Variants in ARHGAP6 observed in about 807,000 individuals in gnomAD.
ARHGAP6 encodes Rho GTPase activating protein 6, also known as rho GTPase-activating protein 6.
A neutral mutation model predicts 55.7 loss-of-function variants in ARHGAP6; 16 were observed. The ratio of observed to expected loss-of-function variants is 0.29; its 90% CI spans 0.19 to 0.44. ARHGAP6 has a LOEUF of 0.44. Ranked by LOEUF, ARHGAP6 falls within the 20% of genes least tolerant of loss-of-function variation. The pLI, the probability that ARHGAP6 is intolerant of heterozygous loss-of-function variation, is 1.00. For missense variants in ARHGAP6, 698 were observed against 808.9 expected (o/e 0.86, Z 1.66); for synonymous variants, 382 against 360.9 (o/e 1.06, Z -0.66).
chrX:11,543,895 C>A (rs542867614), intron 1 of ARHGAP6, among the ~76,000 whole-genome samples: 2 of 112,736 alleles, frequency 1.8e-5, no homozygotes, highest in South Asian at 7.3e-4. Context: ...TTAAAATATT[C>A]TGTTAAAGTC....
intron 1 of ARHGAP6, among the ~76,000 whole-genome samples, chrX:11,568,714 G>A (rs1010691097): frequency 1.9e-4 from 20 of 104,236 alleles, no homozygotes; most frequent in African/African-American, 3.6e-4. Context: ...CTGAGATTGC[G>A]CCACTGCACT....
At chrX:11,652,774 CTGTT>C (rs2052599163) in intron 1 of ARHGAP6, among the ~76,000 whole-genome samples, 2 of 111,522 alleles carry the variant, frequency 1.8e-5, no homozygotes, top group African/African-American at 6.5e-5. Flanking sequence ...ATGAAGGTCT[CTGTT>C]TGTGGGTGAT....
intron 1 of ARHGAP6, among the ~76,000 whole-genome samples, chrX:11,430,366 C>T (rs967549682): frequency 9.8e-5 from 11 of 112,229 alleles, no homozygotes; most frequent in African/African-American, 3.6e-4. Context: ...TGTTCAAGTG[C>T]AATAGGATTG....
chrX:11,575,416 C>T (rs763689851), intron 1 of ARHGAP6, among the ~76,000 whole-genome samples: 2 of 111,883 alleles, frequency 1.8e-5, no homozygotes, highest in East Asian at 5.6e-4. Context: ...GATATTTGAG[C>T]ACCTTAAAGT....
chrX:11,326,421 C>T lies in ARHGAP6; in HGVS notation c.589-71714G>A, dbSNP rs774950497. ...GGGATTACAGGCGTGAGCCATCGCG[C>T]CCAGCTGGGATTTTTTTTTTTTCCT... On this transcript the variant is annotated intron_variant, in intron 1 of 12. Coordinates refer to ENST00000337414, the MANE Select transcript of ARHGAP6 (RefSeq NM_013427.3). Among the ~76,000 whole-genome samples, 25 of 111,416 alleles carry T rather than the reference C, an allele frequency of 2.2e-4. No individual in the cohort carries two copies. In the South Asian group the frequency reaches 9.0e-3, roughly 40 times the overall value.
At chrX:11,273,582 G>A (rs1190551436) in intron 1 of ARHGAP6, among the ~76,000 whole-genome samples, 1 of 111,099 alleles carries the variant, frequency 9.0e-6, no homozygotes, top group Non-Finnish European at 1.9e-5. Context: ...GGGCATTACT[G>A]ATTTGTGCAC....
At chrX:11,472,706 G>A (rs762752123) in intron 1 of ARHGAP6, among the ~76,000 whole-genome samples, 1 of 111,780 alleles carries the variant, frequency 8.9e-6, no homozygotes, top group Non-Finnish European at 1.9e-5. Flanking sequence ...GGTAGTCTAG[G>A]AGAAAGACTG....
At chrX:11,211,395 T>C (rs2046796801) in intron 2 of ARHGAP6, among the ~76,000 whole-genome samples, 1 of 108,355 alleles carries the variant, frequency 9.2e-6, no homozygotes, top group African/African-American at 3.4e-5. Context: ...CCCGCCTGGC[T>C]AATTTTTTGT....
rs751199167 is a variant in ARHGAP6, at chrX:11,597,111, T to C, written c.588+67130A>G. On this transcript the variant is annotated intron_variant, in intron 1 of 12. Coordinates refer to ENST00000337414, the MANE Select transcript of ARHGAP6 (RefSeq NM_013427.3). The stretch of plus-strand genomic sequence containing the variant: ...AGCTTATCTGTGTTTTTCACAGGCT[T>C]AATACAGGGCTTTAAGCATAACATT... Among the ~76,000 whole-genome samples the C allele has an allele frequency of 1.1e-4, 12 of 111,989 alleles. No individual in the cohort carries two copies. The South Asian group carries it at 4.5e-3, about 42-fold the overall frequency.
chrX:11,639,285 C>T (rs1052523605), intron 1 of ARHGAP6, among the ~76,000 whole-genome samples: 1 of 110,776 alleles, frequency 9.0e-6, no homozygotes, highest in Non-Finnish European at 1.9e-5. Context: ...CATAGGTATA[C>T]GTGTGTCATG....
At chrX:11,162,811 T>G (rs977072054) in intron 9 of ARHGAP6, among the ~76,000 whole-genome samples, 1 of 112,300 alleles carries the variant, frequency 8.9e-6, no homozygotes. Context: ...AGATTTTTTC[T>G]AAGTTCTTAA....
intron 1 of ARHGAP6, among the ~76,000 whole-genome samples, chrX:11,311,313 TTC>T (rs2048298167): frequency 8.9e-6 from 1 of 112,222 alleles, no homozygotes; most frequent in Non-Finnish European, 1.9e-5. Flanking sequence ...ATTTTAATTC[TTC>T]TTTTTTTGCT....
At chrX:11,589,269 T>G (rs894917431) in intron 1 of ARHGAP6, among the ~76,000 whole-genome samples, 24 of 108,559 alleles carry the variant, frequency 2.2e-4, no homozygotes, top group Non-Finnish European at 2.3e-4. Context: ...CTCTAACTCC[T>G]GACCTCAAGT....
chrX:11,448,554 G>A (rs970660958), intron 1 of ARHGAP6, among the ~76,000 whole-genome samples: 1 of 111,451 alleles, frequency 9.0e-6, no homozygotes, highest in Non-Finnish European at 1.9e-5. Flanking sequence ...GCATGAACTG[G>A]CACCACTTAA....
At chrX:11,173,331 A>G (rs2046121473) in intron 8 of ARHGAP6, among the ~76,000 whole-genome samples, 1 of 111,971 alleles carries the variant, frequency 8.9e-6, no homozygotes, top group Non-Finnish European at 1.9e-5. Flanking sequence ...AGAGATTAGT[A>G]ATCATGGCCC....
At chrX:11,294,946 C>T in intron 1 of ARHGAP6, 1 of 875,995 alleles carries the variant, frequency 1.1e-6, no homozygotes, top group Non-Finnish European at 1.7e-6. Flanking sequence ...AGTATGAGAT[C>T]AGATGTCTTC....
At chrX:11,547,918 G>A (rs1371988922) in intron 1 of ARHGAP6, among the ~76,000 whole-genome samples, 1 of 111,506 alleles carries the variant, frequency 9.0e-6, no homozygotes, top group Non-Finnish European at 1.9e-5. Flanking sequence ...GAGAACCTGA[G>A]CTGATTTGAA....
At chrX:11,525,394 A>G (rs757043583) in intron 1 of ARHGAP6, among the ~76,000 whole-genome samples, 12 of 112,188 alleles carry the variant, frequency 1.1e-4, no homozygotes, top group Admixed American at 2.8e-4. Context: ...CCCATAATCT[A>G]CAATCCTTTT....
At chrX:11,286,294 A>G (rs2047920669) in intron 1 of ARHGAP6, among the ~76,000 whole-genome samples, 1 of 111,832 alleles carries the variant, frequency 8.9e-6, no homozygotes, top group African/African-American at 3.3e-5. Context: ...TGGTGCACCC[A>G]TCACCCTCTA....
Sources: allele counts gnomAD v4.1 joint callset (sites outside exome capture counted in the v4.1 genomes callset), GRCh38; gene constraint gnomAD v4.1.1; transcripts MANE v1.5; gene names NCBI Gene and HGNC (gene_info 2026-07-23, HGNC 2026-07-21).